NRG1: variants seen among roughly 807,000 people sequenced by gnomAD.
NRG1 encodes pro-neuregulin-1, membrane-bound isoform.
In NRG1, 18 loss-of-function variants were observed where a neutral mutation model predicts 63.8. That is an observed-to-expected ratio of 0.28 (90% CI 0.19 to 0.42). The LOEUF (loss-of-function observed/expected upper bound fraction) is 0.42, where lower values mean the gene tolerates loss of function less well. Ranked by LOEUF, NRG1 falls within the 10% of genes least tolerant of loss-of-function variation. NRG1 has a pLI of 1.00. For missense variants in NRG1, 762 were observed against 814.7 expected, an observed-to-expected ratio of 0.94 and a Z score of 0.79; for synonymous variants, 302 against 301.3, an observed-to-expected ratio of 1.00 and a Z score of -0.02.
intron 1 of NRG1, among the ~76,000 whole-genome samples, chr8:32,498,904 A>G (rs530869929): frequency 6.6e-6 from 1 of 152,264 alleles, no homozygotes; most frequent in Non-Finnish European, 1.5e-5. Flanking sequence ...CTTCAGCTCA[A>G]AATAATCCTT....
At chr8:32,200,820 A>G (rs549780110) in intron 1 of NRG1, among the ~76,000 whole-genome samples, 19 of 152,214 alleles carry the variant, frequency 1.2e-4, no homozygotes, top group Non-Finnish European at 2.2e-4. Flanking sequence ...CTTGTGGTAC[A>G]TGTTGTTTGA....
At chr8:32,176,550 A>T (rs761313319) in intron 1 of NRG1, among the ~76,000 whole-genome samples, 1 of 152,122 alleles carries the variant, frequency 6.6e-6, no homozygotes, top group Non-Finnish European at 1.5e-5. Flanking sequence ...AGCCTACAGA[A>T]TGGGAGAAAA....
chr8:32,404,521 C>A (rs1813680489), intron 1 of NRG1, among the ~76,000 whole-genome samples: 1 of 151,524 alleles, frequency 6.6e-6, no homozygotes, highest in Non-Finnish European at 1.5e-5. Context: ...TCAACCCCAT[C>A]AGAACCTTTT....
chr8:32,126,606 G>A (rs1434152404), intron 1 of NRG1, among the ~76,000 whole-genome samples: 1 of 151,800 alleles, frequency 6.6e-6, no homozygotes, highest in Admixed American at 6.6e-5. Context: ...GACTTGCCCT[G>A]GCTGTCTCTA....
At chr8:32,113,849 T>C (rs1218589663) in intron 1 of NRG1, among the ~76,000 whole-genome samples, 5 of 152,198 alleles carry the variant, frequency 3.3e-5, no homozygotes, top group Non-Finnish European at 7.3e-5. Flanking sequence ...TCTCTGTGTG[T>C]ATGTGTGATG....
chr8:31,896,032 C>T (rs1018591743), intron 1 of NRG1, among the ~76,000 whole-genome samples: 3 of 152,038 alleles, frequency 2.0e-5, no homozygotes, highest in Non-Finnish European at 2.9e-5. Flanking sequence ...GTGTTTTTGC[C>T]CATTTTCTGC....
intron 1 of NRG1, among the ~76,000 whole-genome samples, chr8:31,768,412 T>A (rs1422767048): frequency 6.6e-6 from 1 of 152,178 alleles, no homozygotes; most frequent in Non-Finnish European, 1.5e-5. Flanking sequence ...TTATCTTGAG[T>A]TGCTGTGGTA....
intron 5 of NRG1, 44 bp downstream of exon 5, chr8:32,616,929 G>A (rs1847479111): frequency 7.2e-7 from 1 of 1,387,616 alleles, no homozygotes; most frequent in Non-Finnish European, 1.0e-6. Flanking sequence ...TTAACCCAAG[G>A]CACTATCTGC....
chr8:32,294,246 G>A (rs1326111372), intron 1 of NRG1, among the ~76,000 whole-genome samples: 1 of 151,998 alleles, frequency 6.6e-6, no homozygotes, highest in Non-Finnish European at 1.5e-5. Flanking sequence ...AATGGGTTTT[G>A]GGCAGAAAAC....
At chr8:32,340,760 C>G (rs1366845647) in intron 1 of NRG1, among the ~76,000 whole-genome samples, 1 of 152,156 alleles carries the variant, frequency 6.6e-6, no homozygotes. Context: ...TAACTCAACC[C>G]CTTAAGCCCG....
chr8:32,103,894 C>T (rs953529301), intron 1 of NRG1, among the ~76,000 whole-genome samples: 3 of 152,074 alleles, frequency 2.0e-5, no homozygotes, highest in African/African-American at 7.2e-5. Context: ...ACATGCCCCT[C>T]CTTTATCTGT....
chr8:32,708,243 A>T (rs1816940197), intron 5 of NRG1, among the ~76,000 whole-genome samples: 1 of 152,190 alleles, frequency 6.6e-6, no homozygotes. Context: ...AGCAAATAAA[A>T]TAATGCATAG....
intron 1 of NRG1, among the ~76,000 whole-genome samples, chr8:32,322,903 T>C (rs529459474): frequency 1.4e-4 from 21 of 151,420 alleles, no homozygotes; most frequent in African/African-American, 4.8e-4. Flanking sequence ...GATTAATATA[T>C]ACTCACCTAA....
At chr8:31,901,969 TAA>T (rs1347623581) in intron 1 of NRG1, among the ~76,000 whole-genome samples, 1 of 152,184 alleles carries the variant, frequency 6.6e-6, no homozygotes, top group Non-Finnish European at 1.5e-5. Context: ...CAACTTCGTG[TAA>T]AGTCTTTTCA....
At chr8:32,568,858 A>G (rs923504611) in intron 1 of NRG1, among the ~76,000 whole-genome samples, 2 of 152,196 alleles carry the variant, frequency 1.3e-5, no homozygotes, top group African/African-American at 2.4e-5. Flanking sequence ...ACTTGCAGGC[A>G]ATATCTTGTT....
At chr8:31,713,262 G>T (rs577666301) in intron 1 of NRG1, among the ~76,000 whole-genome samples, 3 of 151,480 alleles carry the variant, frequency 2.0e-5, no homozygotes, top group Non-Finnish European at 4.4e-5. Flanking sequence ...GACTACAGGC[G>T]CCCACCACCA....
chr8:31,884,627 C>T (rs1165800898), intron 1 of NRG1, among the ~76,000 whole-genome samples: 1 of 152,054 alleles, frequency 6.6e-6, no homozygotes, highest in African/African-American at 2.4e-5. Flanking sequence ...AGCCTACAAC[C>T]CTAAGCTGAT....
chr8:32,134,091 A>G (rs1835196885), intron 1 of NRG1, among the ~76,000 whole-genome samples: 1 of 152,128 alleles, frequency 6.6e-6, no homozygotes, highest in Non-Finnish European at 1.5e-5. Flanking sequence ...GTTACTTGTA[A>G]GGTCTATGAA....
intron 11 of NRG1, among the ~76,000 whole-genome samples, chr8:32,761,992 T>C (rs1340848072): frequency 1.6e-5 from 2 of 125,276 alleles, no homozygotes; most frequent in Admixed American, 1.1e-4. Flanking sequence ...TGAGCTGAGA[T>C]GGTGCCACTG....
Sources: gnomAD v4.1 joint callset for allele counts (sites outside exome capture counted in the v4.1 genomes callset) on GRCh38, gnomAD v4.1.1 for gene constraint, MANE v1.5 for transcripts, NCBI Gene and HGNC (gene_info 2026-07-23, HGNC 2026-07-21) for gene names.